Variants in PDE6B observed in about 807,000 individuals in gnomAD.
The protein encoded by PDE6B is rod cGMP-specific 3',5'-cyclic phosphodiesterase subunit beta.
PDE6B carries 106 observed loss-of-function variants against 109.0 expected under a neutral mutation model. The ratio of observed to expected loss-of-function variants is 0.97; its 90% CI spans 0.83 to 1.14. The LOEUF is 1.14. Among genes scored for constraint, PDE6B ranks in the 50% most tolerant of loss-of-function variants. PDE6B has a pLI of 0.00. For missense variants in PDE6B, 1,193 were observed against 1,155.6 expected (o/e 1.03, Z -0.47); for synonymous variants, 490 against 471.3 (o/e 1.04, Z -0.51).
chr4:660,592 A>T lies in PDE6B; in HGVS notation c.1593A>T (p.Arg531=). 1.2e-6 allele frequency: 2 copies of T among 1,613,802 alleles called. No homozygotes were observed. Among genetic ancestry groups the T allele is most frequent in the Non-Finnish European group, 8.5e-7 (1 of 1,179,996 alleles). The stretch of plus-strand genomic sequence containing the variant: ...TGTACTACGAGCTGGGCGTGGTCCG[A>T]AAGTTCCAGATCCCCCAGGAGGTGG... ...IQMYYELGVV[R]KFQIPQEVLV... is the part of the protein sequence containing the mutation. The change falls in exon 12 of 22, where the codon CGA becomes CGT. Residue 531 remains arginine (R), a synonymous_variant. Coordinates refer to ENST00000496514, the MANE Select transcript of PDE6B (RefSeq NM_000283.4).
chr4:639,389 G>A (rs749168350), intron 3 of PDE6B, among the ~76,000 whole-genome samples: 1 of 152,070 alleles, frequency 6.6e-6, no homozygotes, highest in Non-Finnish European at 1.5e-5. Flanking sequence ...TTTTTCTTGG[G>A]GTCCACAGTT....
At chr4:645,397 G>A (rs918217995) in intron 3 of PDE6B, among the ~76,000 whole-genome samples, 14 of 148,534 alleles carry the variant, frequency 9.4e-5, no homozygotes, top group African/African-American at 5.0e-5. Context: ...CCAGGTTCAC[G>A]CCATTCTCCT....
At chr4:630,729 G>A (rs932867542) in intron 1 of PDE6B, among the ~76,000 whole-genome samples, 2 of 152,204 alleles carry the variant, frequency 1.3e-5, no homozygotes, top group East Asian at 3.9e-4. Context: ...CTCCGCGGTG[G>A]CCAAGCCCCA....
chr4:660,402 A>T, intron 11 of PDE6B, 65 bp from the exon 12 acceptor site: 1 of 1,524,884 alleles, frequency 6.6e-7, no homozygotes, highest in Non-Finnish European at 9.1e-7. Context: ...GGAGAGAAGA[A>T]AGGATGAGAA....
At chr4:647,708 A>G (rs1177933559) in intron 3 of PDE6B, among the ~76,000 whole-genome samples, 1 of 151,932 alleles carries the variant, frequency 6.6e-6, no homozygotes, top group Non-Finnish European at 1.5e-5. Flanking sequence ...AGGGCTTCAC[A>G]GATGCATGGG....
At chr4:652,418 C>T (rs999322395) in intron 3 of PDE6B, 3 of 729,830 alleles carry the variant, frequency 4.1e-6, no homozygotes, top group Non-Finnish European at 5.0e-6. Context: ...GAGGCCGGGG[C>T]AGGAAGAGAG....
At chr4:652,466 C>T (rs989306819) in intron 3 of PDE6B, 5 of 983,112 alleles carry the variant, frequency 5.1e-6, no homozygotes, top group Non-Finnish European at 3.6e-6. Context: ...GGGTGCAAAG[C>T]GTTCGTTAGC....
Position 666,731 on chromosome 4 carries a change from A to G in PDE6B, c.2352+117A>G, listed in dbSNP as rs2109278334. The G allele has an allele frequency of 1.4e-6, 1 of 733,924 alleles. No homozygotes were observed. 45.5% of individuals were successfully genotyped at this position (733,924 alleles called of 1,614,324 possible). A position where few individuals can be genotyped will look rare whatever the true frequency, so the allele number is the denominator to read the frequency against. On this transcript the variant is annotated intron_variant, in intron 20 of 21. Transcript: ENST00000496514. The surrounding 1 kb of genome is among the most constrained non-coding windows in gnomAD (Gnocchi z 5.6). ...GGCCCGGCGGTGTCCTCACTGGAGT[A>G]GGGATGCCAGTGCCAGCTTCGTGCC...
chr4:641,738 C>G (rs1055693849), intron 3 of PDE6B, among the ~76,000 whole-genome samples: 5 of 152,204 alleles, frequency 3.3e-5, no homozygotes, highest in African/African-American at 1.2e-4. Flanking sequence ...CCTCCACCTC[C>G]CGGGTTCAAG....
At chr4:667,509 G>A (rs1372197236) in intron 20 of PDE6B, among the ~76,000 whole-genome samples, 3 of 152,174 alleles carry the variant, frequency 2.0e-5, no homozygotes, top group African/African-American at 7.2e-5. Flanking sequence ...GGGAGGGACG[G>A]GAGAAGGCAC....
intron 8 of PDE6B, 76 bp from the exon 9 acceptor site, chr4:656,798 G>A (rs1178088806): frequency 7.2e-7 from 1 of 1,393,510 alleles, no homozygotes; most frequent in Non-Finnish European, 1.0e-6. Flanking sequence ...AAGACATGAG[G>A]TCACTCTCCC....
chr4:663,945 A>C lies in PDE6B; in HGVS notation c.2021+75A>C. The C allele has an allele frequency of 8.3e-7, 1 of 1,202,620 alleles. No individual in the cohort carries two copies. Among genetic ancestry groups the C allele is most frequent in the Non-Finnish European group, 1.2e-6 (1 of 843,234 alleles). The allele number at this position is 1,202,620 out of a possible 1,614,324, so 74.5% of individuals were successfully genotyped here. A position where few individuals can be genotyped will look rare whatever the true frequency, so the allele number is the denominator to read the frequency against. ...GGACCCCCGGCAGACACGGGGGCGC[A>C]GCGGCGGCACAGCCCGGGGGACGCA... is the stretch of plus-strand genomic sequence containing the variant. On this transcript the variant is annotated intron_variant, in intron 16 of 21. Transcript: ENST00000496514. The surrounding 1 kb of genome is among the most constrained non-coding windows in gnomAD (Gnocchi z 4.0).
At chr4:654,462 CGTGTGT>C in intron 5 of PDE6B, 3 of 572,934 alleles carry the variant, frequency 5.2e-6, no homozygotes, top group Non-Finnish European at 9.5e-6. Flanking sequence ...GTGTAGGATG[CGTGTGT>C]GTGTGTGTGT....
chr4:655,778 C>T (rs1469932140), intron 6 of PDE6B, 162 bp from the exon 7 acceptor site: 1 of 689,746 alleles, frequency 1.4e-6, no homozygotes, highest in South Asian at 1.5e-5. Flanking sequence ...GACCCCTGCA[C>T]ACACACGTGC....
At position 666,545 on chromosome 4, in the gene PDE6B, G is replaced by A. The variant is rs754273223; in HGVS notation, c.2283G>A (p.Arg761=). 1.9e-6 allele frequency: 3 copies of A among 1,612,520 alleles called. 1 individual carries two copies. The highest frequency in any genetic ancestry group is 2.2e-5 in the South Asian group (2 of 91,066). Residue 761 remains arginine, a synonymous_variant, in exon 20 of 22, where the codon CGG becomes CGA. Coordinates refer to ENST00000496514, the MANE Select transcript of PDE6B (RefSeq NM_000283.4). This position sits in a 1 kb window ranked among gnomAD's most constrained non-coding sequence, Gnocchi z 5.6. ...CCTCCCACCAGCCTATGATGGACCG[G>A]AACAAGGCGGCCGAGCTCCCCAAGC... ...LDQQPIPMMD[R]NKAAELPKLQ... is the part of the protein sequence containing the mutation.
chr4:649,596 T>G (rs570840177), intron 3 of PDE6B, among the ~76,000 whole-genome samples: 1 of 151,832 alleles, frequency 6.6e-6, no homozygotes, highest in East Asian at 1.9e-4. Flanking sequence ...GACTGTTCAC[T>G]GGTGGACCCA....
At position 665,003 on chromosome 4, in the gene PDE6B, G is replaced by A. The variant is rs1421695695; in HGVS notation, c.2193+59G>A. Reference sequence around the variant, plus strand: ...GTGCCTCTCAGCACATGGGACTGCCGGGCGGGCGGGAGCCTCGGATGGCAA... The same window carrying A: ...GTGCCTCTCAGCACATGGGACTGCCAGGCGGGCGGGAGCCTCGGATGGCAA... On this transcript the variant is annotated intron_variant, in intron 18 of 21. Coordinates refer to ENST00000496514, the MANE Select transcript of PDE6B (RefSeq NM_000283.4). This position sits in a 1 kb window ranked among gnomAD's most constrained non-coding sequence, Gnocchi z 4.0. 1.8e-5 allele frequency: 24 copies of A among 1,364,748 alleles called. No individual in the cohort carries two copies. Among genetic ancestry groups the A allele is most frequent in the Admixed American group, 5.0e-5 (3 of 59,548 alleles). 84.5% of individuals were successfully genotyped at this position (1,364,748 alleles called of 1,614,324 possible).
intron 1 of PDE6B, among the ~76,000 whole-genome samples, chr4:630,137 G>C (rs754549058): frequency 6.6e-6 from 1 of 152,216 alleles, no homozygotes; most frequent in Admixed American, 6.5e-5. Flanking sequence ...CAGGGGCCAC[G>C]TGTTAATCTT....
At chr4:658,767 G>A (rs1384669319) in intron 10 of PDE6B, among the ~76,000 whole-genome samples, 185 bp from the exon 11 acceptor site, 2 of 152,174 alleles carry the variant, frequency 1.3e-5, no homozygotes, top group Non-Finnish European at 2.9e-5. Flanking sequence ...GAGGACAGGT[G>A]GGAAAGTCAG....
Sources: gnomAD v4.1 joint callset for allele counts (sites outside exome capture counted in the v4.1 genomes callset) on GRCh38, gnomAD v4.1.1 for gene constraint, Gnocchi (gnomAD v3.1) non-coding constraint, MANE v1.5 for transcripts, NCBI Gene and HGNC (gene_info 2026-07-23, HGNC 2026-07-21) for gene names.